The following PDE4D variants were observed in gnomAD, a reference collection of about 807,000 sequenced individuals.
PDE4D encodes the protein 3',5'-cyclic-AMP phosphodiesterase 4D.
In PDE4D, 24 loss-of-function variants were observed where a neutral mutation model predicts 87.4. The observed-to-expected ratio is 0.27, with a 90% confidence interval of 0.20 to 0.39. The LOEUF (loss-of-function observed/expected upper bound fraction) is 0.39. PDE4D is among the 10% of genes least tolerant of loss of function. PDE4D has a pLI of 1.00. For missense variants in PDE4D, 714 were observed against 1,041.0 expected (o/e 0.69, Z 4.32); for synonymous variants, 384 against 383.2 (o/e 1.00, Z -0.02).
intron 1 of PDE4D, among the ~76,000 whole-genome samples, chr5:59,805,777 G>T (rs567341516): frequency 2.0e-5 from 3 of 152,324 alleles, no homozygotes; most frequent in African/African-American, 7.2e-5. Flanking sequence ...GACGATGCAA[G>T]GCAATTTATT....
chr5:59,195,545 G>T (rs533628640), intron 2 of PDE4D, among the ~76,000 whole-genome samples: 1 of 152,334 alleles, frequency 6.6e-6, no homozygotes, highest in East Asian at 1.9e-4. Context: ...GCAGATCACA[G>T]AGCCCTTGTA....
intron 1 of PDE4D, among the ~76,000 whole-genome samples, chr5:59,753,954 C>A (rs1760849231): frequency 1.3e-5 from 2 of 152,136 alleles, no homozygotes; most frequent in African/African-American, 2.4e-5. Context: ...TTTCTTGGAA[C>A]TTCTGTTTTT....
Position 60,134,773 on chromosome 5 carries a change from A to C in PDE4D, c.42+50784T>G, listed in dbSNP as rs1779890902. Among the ~76,000 whole-genome samples, 3 of 152,190 alleles carry C rather than the reference A, an allele frequency of 2.0e-5. No individual in the cohort carries two copies. In the South Asian group the frequency reaches 6.2e-4, roughly 31 times the overall value. On this transcript the variant is annotated intron_variant, in intron 2 of 16. Coordinates refer to the PDE4D transcript ENST00000502484. ...TAGGAAATAATGACAAGAAAAAAACATCCGTAAATGTCCAGTGCAAACTTT... is the reference window on the plus strand; with the variant it reads ...TAGGAAATAATGACAAGAAAAAAACCTCCGTAAATGTCCAGTGCAAACTTT...
intron 1 of PDE4D, among the ~76,000 whole-genome samples, chr5:60,268,206 G>GA (rs1354083701): frequency 2.0e-5 from 3 of 151,786 alleles, no homozygotes; most frequent in Non-Finnish European, 2.9e-5. Context: ...ACATTCTCAA[G>GA]AAAAAAAGCC....
intron 1 of PDE4D, among the ~76,000 whole-genome samples, chr5:59,236,804 AGAAG>A (rs959411911): frequency 1.3e-5 from 2 of 151,930 alleles, no homozygotes; most frequent in Non-Finnish European, 2.9e-5. Flanking sequence ...AGAGAGGGAG[AGAAG>A]GAAGGAAGGA....
At chr5:59,422,577 C>T (rs1166805331) in intron 1 of PDE4D, among the ~76,000 whole-genome samples, 3 of 152,164 alleles carry the variant, frequency 2.0e-5, no homozygotes, top group Admixed American at 2.0e-4. Flanking sequence ...TTTTCTTCAA[C>T]TTAAGAGCAA....
chr5:60,184,159 A>C (rs1279658563), intron 2 of PDE4D, among the ~76,000 whole-genome samples: 2 of 152,108 alleles, frequency 1.3e-5, no homozygotes. Context: ...TCAGTTAATC[A>C]TTTGCTTTTA....
At chr5:59,097,515 T>C (rs997271597) in intron 5 of PDE4D, among the ~76,000 whole-genome samples, 2 of 152,184 alleles carry the variant, frequency 1.3e-5, no homozygotes, top group African/African-American at 4.8e-5. Flanking sequence ...GGCATAATCA[T>C]TGAAGAACAC....
chr5:59,199,330 T>A (rs538834358), intron 2 of PDE4D, among the ~76,000 whole-genome samples: 1 of 151,368 alleles, frequency 6.6e-6, no homozygotes, highest in East Asian at 1.9e-4. Flanking sequence ...TGGGCTGAAG[T>A]GATCTTCCTG....
At chr5:59,031,380 TATATATATATATTATATA>T (rs1757400748) in intron 6 of PDE4D, among the ~76,000 whole-genome samples, 1 of 62,670 alleles carries the variant, frequency 1.6e-5, no homozygotes, top group Non-Finnish European at 3.3e-5. Flanking sequence ...TATATATATA[TATATATATATATTATATA>T]TATATATATA....
Position 59,475,045 on chromosome 5 carries a change from G to T in PDE4D, c.456-259077C>A, listed in dbSNP as rs114563932. Among the ~76,000 whole-genome samples, 1,332 of 152,176 alleles carry T rather than the reference G, an allele frequency of 8.8e-3. 15 individuals are homozygous for T. The highest frequency in any genetic ancestry group is 0.037 in the Middle Eastern group (11 of 294). On this transcript the variant is annotated intron_variant, in intron 1 of 14. Transcript: ENST00000340635. The stretch of plus-strand genomic sequence containing the variant: ...TAAGAGAAAATAAAGGAATCTTCAA[G>T]TCATGAAGGAAGAAGGTGAAACCAA...
intron 1 of PDE4D, among the ~76,000 whole-genome samples, chr5:60,223,979 T>G (rs183696504): frequency 6.6e-6 from 1 of 152,184 alleles, no homozygotes; most frequent in Non-Finnish European, 1.5e-5. Context: ...TGTCTAAGAC[T>G]TAGAGAGTAA....
intron 1 of PDE4D, among the ~76,000 whole-genome samples, chr5:59,818,542 T>C (rs983679410): frequency 1.3e-5 from 2 of 152,232 alleles, no homozygotes; most frequent in Non-Finnish European, 1.5e-5. Context: ...AAATCTTTTC[T>C]GAGCATCTTG....
chr5:59,411,318 G>A (rs192384790), intron 1 of PDE4D, among the ~76,000 whole-genome samples: 64 of 151,916 alleles, frequency 4.2e-4, no homozygotes, highest in Middle Eastern at 3.4e-3. Context: ...GTTTCTTCTC[G>A]TCACCCTTTA....
At chr5:59,491,914 G>A (rs1351050833) in intron 1 of PDE4D, among the ~76,000 whole-genome samples, 1 of 152,170 alleles carries the variant, frequency 6.6e-6, no homozygotes, top group East Asian at 1.9e-4. Context: ...AAGTTAGGAT[G>A]TTTTGCTCAA....
At chr5:60,156,960 T>C (rs1238174895) in intron 2 of PDE4D, among the ~76,000 whole-genome samples, 1 of 152,162 alleles carries the variant, frequency 6.6e-6, no homozygotes, top group African/African-American at 2.4e-5. Context: ...ATAAATACTG[T>C]TGAAGCAAAG....
intron 1 of PDE4D, chr5:59,586,910 CTT>C (rs1825231698): frequency 1.0e-6 from 1 of 985,298 alleles, no homozygotes; most frequent in African/African-American, 1.7e-5. Flanking sequence ...TGTATGGTCA[CTT>C]TAACGCAGTG....
chr5:59,991,752 G>C (rs770730386), intron 2 of PDE4D, among the ~76,000 whole-genome samples: 7 of 152,158 alleles, frequency 4.6e-5, no homozygotes, highest in Admixed American at 2.6e-4. Flanking sequence ...GTGAGCCTCT[G>C]TGTACTTATG....
chr5:59,874,318 C>T (rs1342590508), intron 1 of PDE4D, among the ~76,000 whole-genome samples: 1 of 152,188 alleles, frequency 6.6e-6, no homozygotes, highest in Non-Finnish European at 1.5e-5. Flanking sequence ...CGTGAATATT[C>T]TCATTGCATT....
Sources: gnomAD v4.1 joint callset for allele counts (sites outside exome capture counted in the v4.1 genomes callset) on GRCh38, gnomAD v4.1.1 for gene constraint, MANE v1.5 for transcripts, NCBI Gene and HGNC (gene_info 2026-07-23, HGNC 2026-07-21) for gene names.